Variants in GPR180 observed in about 807,000 individuals in gnomAD.
GPR180 encodes G protein-coupled receptor 180.
In GPR180, 53 loss-of-function variants were observed where a neutral mutation model predicts 52.6. The observed-to-expected ratio is 1.01, with a 90% CI of 0.81 to 1.27. The LOEUF is 1.27. Among genes scored for constraint, GPR180 ranks in the 50% most tolerant of loss-of-function variants. GPR180 has a pLI of 0.00. For missense variants in GPR180, 533 were observed against 527.0 expected (o/e 1.01, Z -0.11); for synonymous variants, 200 against 193.1 (o/e 1.04, Z -0.30).
intron 3 of GPR180, among the ~76,000 whole-genome samples, chr13:94,618,420 A>ATTGTTTTTTTTTTTTTTTTT (rs1889805918): frequency 1.1e-5 from 1 of 87,156 alleles, no homozygotes; most frequent in Non-Finnish European, 2.1e-5. Flanking sequence ...TCAGCACAGG[A>ATTGTTTTTTTTTTTTTTTTT]TTTTTTTTTT....
chr13:94,610,140 T>G (rs1305756542), intron 2 of GPR180, among the ~76,000 whole-genome samples: 1 of 152,186 alleles, frequency 6.6e-6, no homozygotes, highest in Non-Finnish European at 1.5e-5. Context: ...GGTATCACAG[T>G]TTGCCCCACC....
At chr13:94,615,145 T>C (rs1889761039) in intron 3 of GPR180, among the ~76,000 whole-genome samples, 1 of 152,206 alleles carries the variant, frequency 6.6e-6, no homozygotes, top group South Asian at 2.1e-4. Flanking sequence ...AAGTTGATTC[T>C]TATGTACAGA....
intron 2 of GPR180, among the ~76,000 whole-genome samples, chr13:94,608,585 C>CT (rs1889663249): frequency 6.6e-6 from 1 of 152,034 alleles, no homozygotes; most frequent in South Asian, 2.1e-4. Context: ...TCTTAAGTCT[C>CT]TAACTTTTAT....
In GPR180 at chr13:94,627,199, G is replaced by A; in HGVS notation, c.*28G>A. The A allele has an allele frequency of 6.2e-7, 1 of 1,603,866 alleles. No homozygotes were observed. ...CTTGATTTTTGTTGAGAGGAAAAGT[G>A]AATTGGTTAAAAGAGTGCAATAAGG... On this transcript the variant is annotated 3_prime_UTR_variant, in exon 9 of 9. Transcript: ENST00000376958.
intron 2 of GPR180, among the ~76,000 whole-genome samples, chr13:94,607,992 C>T (rs1430424027): frequency 6.6e-6 from 1 of 152,170 alleles, no homozygotes; most frequent in Admixed American, 6.5e-5. Context: ...CCAACAAAAA[C>T]TTACTAGGCA....
intron 1 of GPR180, among the ~76,000 whole-genome samples, chr13:94,604,248 C>T (rs768694618): frequency 2.6e-5 from 4 of 151,848 alleles, no homozygotes; most frequent in South Asian, 2.1e-4. Flanking sequence ...GCAGGAGAAT[C>T]GCTTGAACCG....
At position 94,629,961 on chromosome 13, in the gene GPR180, GAATTTGGA is replaced by G. The variant is rs971885622; in HGVS notation, c.*2800_*2807del. The G allele has an allele frequency of 6.6e-5, 10 of 152,274 alleles. No individual in the cohort carries two copies. Among genetic ancestry groups the G allele is most frequent in the Middle Eastern group, 3.4e-3 (1 of 294 alleles). The allele number at this position is 152,274 out of a possible 1,614,324, so 9.4% of individuals were successfully genotyped here. A position where few individuals can be genotyped will look rare whatever the true frequency, so the allele number is the denominator to read the frequency against. On this transcript the variant is annotated 3_prime_UTR_variant, in exon 9 of 9. Transcript: ENST00000376958. Reference sequence around the variant, plus strand: ...CTTCTAGGAGACTGCACGTTCTTTGGAATTTGGAAATTTGGAATTATCTGTGAAACATT... The same window carrying G: ...CTTCTAGGAGACTGCACGTTCTTTGGAATTTGGAATTATCTGTGAAACATT...
intron 3 of GPR180, among the ~76,000 whole-genome samples, chr13:94,616,888 ATTTTATC>A (rs1297662015): frequency 6.6e-6 from 1 of 152,224 alleles, no homozygotes; most frequent in Non-Finnish European, 1.5e-5. Context: ...CAGAGCTAGC[ATTTTATC>A]TTTTAAGCAT....
chr13:94,625,559 C>T (rs898333236), intron 7 of GPR180, among the ~76,000 whole-genome samples: 3 of 152,088 alleles, frequency 2.0e-5, no homozygotes, highest in African/African-American at 7.2e-5. Flanking sequence ...AAACAGGTAA[C>T]GACTATTAAT....
chr13:94,618,616 C>T (rs1889811200), intron 3 of GPR180, among the ~76,000 whole-genome samples: 1 of 151,832 alleles, frequency 6.6e-6, no homozygotes, highest in Admixed American at 6.6e-5. Context: ...TTACTGGGCT[C>T]TACTCAGAGT....
In GPR180 at chr13:94,612,247, C is replaced by T. The variant is rs1324564123; in HGVS notation, c.362C>T (p.Thr121Met). 10 of 1,613,908 alleles carry T rather than the reference C, an allele frequency of 6.2e-6. No homozygotes were observed. The highest frequency in any genetic ancestry group is 2.2e-5 in the East Asian group (1 of 44,876). Residue 121 changes from threonine (T) to methionine (M), a missense_variant, in exon 3 of 9, where the codon ACG becomes ATG. Thr to Met is a moderately conservative substitution (Grantham distance 81). Transcript: ENST00000376958. ...GTGTCCCAGATTCCGTCTCCACAAA[C>T]GTGGCATGTGTTTTATGCAGACAAG... ...LTVSQIPSPQ[T>M]WHVFYADKYT...
chr13:94,609,595 A>T (rs890053698), intron 2 of GPR180, among the ~76,000 whole-genome samples: 1 of 152,192 alleles, frequency 6.6e-6, no homozygotes, highest in East Asian at 1.9e-4. Flanking sequence ...CAGAGCCTTT[A>T]TATAATGAGG....
intron 3 of GPR180, among the ~76,000 whole-genome samples, chr13:94,613,839 A>G (rs1044580660): frequency 4.0e-5 from 6 of 149,008 alleles, no homozygotes; most frequent in African/African-American, 1.5e-4. Flanking sequence ...CATTGAATGG[A>G]TGGTTGGACT....
In GPR180 at chr13:94,632,618, C is replaced by T. The variant is rs1049190061; in HGVS notation, c.*5447C>T. ...CAAGAATTTGCCAAGACTTCCTTCC[C>T]TCCTCCCAAAATGCCTCCACTCCAG... On this transcript the variant is annotated 3_prime_UTR_variant, in exon 9 of 9. Transcript: ENST00000376958. 1 of 152,156 alleles carries T rather than the reference C, an allele frequency of 6.6e-6. No individual in the cohort carries two copies. Among genetic ancestry groups the T allele is most frequent in the Non-Finnish European group, 1.5e-5 (1 of 68,048 alleles). The allele number at this position is 152,156 out of a possible 1,614,324, so 9.4% of individuals were successfully genotyped here. A position where few individuals can be genotyped will look rare whatever the true frequency, so the allele number is the denominator to read the frequency against.
Position 94,629,253 on chromosome 13 carries a change from A to G in GPR180, c.*2082A>G, listed in dbSNP as rs1889963945. ...TTACAGAAAGTTAAGTGTATACTAC[A>G]AACTCTAATTAAAGATAAAAATCTT... On this transcript the variant is annotated 3_prime_UTR_variant, in exon 9 of 9. Coordinates refer to ENST00000376958, the MANE Select transcript of GPR180 (RefSeq NM_180989.6). 6.6e-6 allele frequency: 1 copy of G among 152,188 alleles called. No individual in the cohort carries two copies. Among genetic ancestry groups the G allele is most frequent in the African/African-American group, 2.4e-5 (1 of 41,466 alleles). The allele number at this position is 152,188 out of a possible 1,614,324, so 9.4% of individuals were successfully genotyped here. A position where few individuals can be genotyped will look rare whatever the true frequency, so the allele number is the denominator to read the frequency against.
In GPR180 at chr13:94,630,946, G is replaced by C. The variant is rs755289358; in HGVS notation, c.*3775G>C. On this transcript the variant is annotated 3_prime_UTR_variant, in exon 9 of 9. Transcript: ENST00000376958. The stretch of plus-strand genomic sequence containing the variant: ...GAAGGCAGAAGTAAAGTAGCAGCCA[G>C]ATCTGCATTCTTTTTGTAAGAGGAA... 1 of 152,304 alleles carries C rather than the reference G, an allele frequency of 6.6e-6. No individual in the cohort carries two copies. The highest frequency in any genetic ancestry group is 2.4e-5 in the African/African-American group (1 of 41,466). 9.4% of individuals were successfully genotyped at this position (152,304 alleles called of 1,614,324 possible). A position where few individuals can be genotyped will look rare whatever the true frequency, so the allele number is the denominator to read the frequency against.
intron 2 of GPR180, among the ~76,000 whole-genome samples, chr13:94,610,259 A>G (rs1430609559): frequency 6.6e-6 from 1 of 152,204 alleles, no homozygotes; most frequent in Non-Finnish European, 1.5e-5. Flanking sequence ...TTCCATACAT[A>G]CATTTCTAGT....
At chr13:94,620,857 G>GT (rs1179533964) in intron 5 of GPR180, among the ~76,000 whole-genome samples, 1 of 151,886 alleles carries the variant, frequency 6.6e-6, no homozygotes, top group Non-Finnish European at 1.5e-5. Context: ...TATTGCTGCT[G>GT]TTTTAACTAT....
rs1440179852 is a variant in GPR180, at chr13:94,633,442, A to G, written c.*6271A>G. 6.6e-6 allele frequency: 1 copy of G among 152,152 alleles called. No individual in the cohort carries two copies. Among genetic ancestry groups the G allele is most frequent in the Non-Finnish European group, 1.5e-5 (1 of 68,014 alleles). The allele number at this position is 152,152 out of a possible 1,614,324, so 9.4% of individuals were successfully genotyped here. ...TGTACTAGATATCAATCTGATAAAT[A>G]ACTTTTATTCATTATAGTTTTAATT... On this transcript the variant is annotated 3_prime_UTR_variant, in exon 9 of 9. Coordinates refer to ENST00000376958, the MANE Select transcript of GPR180 (RefSeq NM_180989.6).
Sources: gnomAD v4.1 joint callset for allele counts (sites outside exome capture counted in the v4.1 genomes callset) on GRCh38, gnomAD v4.1.1 for gene constraint, MANE v1.5 for transcripts, NCBI Gene and HGNC (gene_info 2026-07-23, HGNC 2026-07-21) for gene names.